DYNC1I1: variants seen among roughly 807,000 people sequenced by gnomAD.
The protein encoded by DYNC1I1 is cytoplasmic dynein 1 intermediate chain 1.
A neutral mutation model predicts 86.6 loss-of-function variants in DYNC1I1; 43 were observed. The ratio of observed to expected loss-of-function variants is 0.50; its 90% CI spans 0.39 to 0.64. The LOEUF (loss-of-function observed/expected upper bound fraction) is 0.64. DYNC1I1 is among the 30% of genes least tolerant of loss of function. DYNC1I1 has a pLI of 0.00. For missense variants in DYNC1I1, 604 were observed against 788.8 expected (o/e 0.77, Z 2.81); for synonymous variants, 262 against 283.7 (o/e 0.92, Z 0.77).
At chr7:95,835,605 C>A (rs1409754955) in intron 5 of DYNC1I1, among the ~76,000 whole-genome samples, 1 of 151,932 alleles carries the variant, frequency 6.6e-6, no homozygotes, top group African/African-American at 2.4e-5. Flanking sequence ...GTGTGGGAGT[C>A]TAAGTCTCTT....
intron 16 of DYNC1I1, among the ~76,000 whole-genome samples, chr7:96,095,594 G>T (rs1790979363): frequency 6.6e-6 from 1 of 152,018 alleles, no homozygotes; most frequent in South Asian, 2.1e-4. Flanking sequence ...TACTTTATAT[G>T]GGAAAAAGTT....
intron 16 of DYNC1I1, among the ~76,000 whole-genome samples, chr7:96,107,032 ACTT>A (rs2116354023): frequency 6.8e-6 from 1 of 147,866 alleles, no homozygotes; most frequent in East Asian, 2.0e-4. Flanking sequence ...TTTCATTCAT[ACTT>A]TTTTTTTTTT....
chr7:95,876,098 T>G (rs1477302326), intron 6 of DYNC1I1, among the ~76,000 whole-genome samples: 2 of 150,984 alleles, frequency 1.3e-5, no homozygotes, highest in Non-Finnish European at 2.9e-5. Flanking sequence ...TAAGATCTAT[T>G]GCATGGTGGT....
chr7:96,065,191 A>G (rs191752638), intron 14 of DYNC1I1, among the ~76,000 whole-genome samples: 217 of 152,076 alleles, frequency 1.4e-3, no homozygotes, highest in Non-Finnish European at 3.0e-3. Context: ...GCTACATTCA[A>G]TGGTTTCTTG....
chr7:96,005,633 C>A (rs566304482), intron 10 of DYNC1I1, among the ~76,000 whole-genome samples: 1 of 152,174 alleles, frequency 6.6e-6, no homozygotes, highest in Non-Finnish European at 1.5e-5. Flanking sequence ...TGGAAAAGAA[C>A]TGCTGTATGG....
chr7:95,885,866 A>G (rs568920302), intron 6 of DYNC1I1, among the ~76,000 whole-genome samples: 1 of 152,328 alleles, frequency 6.6e-6, no homozygotes, highest in African/African-American at 2.4e-5. Flanking sequence ...AAAGAAAGAC[A>G]TTTTTAAAAA....
chr7:95,892,483 T>C lies in DYNC1I1; in HGVS notation c.490+22485T>C, dbSNP rs540194218. On this transcript the variant is annotated intron_variant, in intron 6 of 16. Coordinates refer to ENST00000447467, the MANE Select transcript of DYNC1I1 (RefSeq NM_001135556.2). Reference sequence around the variant, plus strand: ...CTGCCACCACGCCCAGCTAATTTTTTTGTATTTTTAGTAGAGATGGGGTTT... The same window carrying C: ...CTGCCACCACGCCCAGCTAATTTTTCTGTATTTTTAGTAGAGATGGGGTTT... Among the ~76,000 whole-genome samples, 3 of 152,348 alleles carry C rather than the reference T, an allele frequency of 2.0e-5. No individual in the cohort carries two copies. In the South Asian group the frequency reaches 6.2e-4, roughly 32 times the overall value.
chr7:95,814,574 T>G (rs1036467000), intron 4 of DYNC1I1, among the ~76,000 whole-genome samples: 1 of 152,166 alleles, frequency 6.6e-6, no homozygotes, highest in African/African-American at 2.4e-5. Flanking sequence ...CTTCTGAAAG[T>G]GTACTGTTTC....
intron 4 of DYNC1I1, among the ~76,000 whole-genome samples, chr7:95,819,521 A>C (rs1403898674): frequency 6.6e-6 from 1 of 152,156 alleles, no homozygotes; most frequent in East Asian, 1.9e-4. Context: ...TGAAAGCATC[A>C]TCATCTTCTA....
intron 6 of DYNC1I1, among the ~76,000 whole-genome samples, chr7:95,890,747 A>G (rs144978369): frequency 4.3e-4 from 66 of 152,346 alleles, no homozygotes; most frequent in African/African-American, 1.5e-3. Flanking sequence ...CCCCACCCTC[A>G]GAATTTCTGA....
intron 1 of DYNC1I1, among the ~76,000 whole-genome samples, chr7:95,800,982 G>A (rs1794564261): frequency 6.6e-6 from 1 of 152,224 alleles, no homozygotes; most frequent in South Asian, 2.1e-4. Flanking sequence ...TGCTGACACT[G>A]CATTTAATGC....
rs375715304 is a variant in DYNC1I1 at position 96,081,079 on chromosome 7, A to AAAAAAAAAAAAAAAAAAAAAG, written c.1776+595_1776+596insAAAAAAAAAAAAAAAAGAAAA. On this transcript the variant is annotated intron_variant, in intron 16 of 16. Transcript: ENST00000447467. ...AGAGACTCCATCTCAAAAAAAAAAGAAAAAGAAAAGAAAAGAAAAGTTTGC... is the reference window on the plus strand; with the variant it reads ...AGAGACTCCATCTCAAAAAAAAAAGAAAAAAAAAAAAAAAAAAAAAGAAAAGAAAAGAAAAGAAAAGTTTGC... 2.0e-4 allele frequency among the ~76,000 whole-genome samples: 27 copies of AAAAAAAAAAAAAAAAAAAAAG among 133,676 alleles called. 1 individual carries two copies. Among genetic ancestry groups the AAAAAAAAAAAAAAAAAAAAAG allele is most frequent in the African/African-American group, 4.8e-4 (16 of 33,544 alleles). The allele number at this position is 133,676 out of a possible 152,430, so 87.7% of individuals were successfully genotyped here.
intron 14 of DYNC1I1, among the ~76,000 whole-genome samples, chr7:96,054,480 T>C (rs561976772): frequency 2.0e-4 from 30 of 152,366 alleles, no homozygotes; most frequent in African/African-American, 6.7e-4. Flanking sequence ...GAATGATTTA[T>C]AATCCTTTGG....
intron 6 of DYNC1I1, among the ~76,000 whole-genome samples, chr7:95,956,196 AC>A (rs1252448113): frequency 6.6e-6 from 1 of 151,912 alleles, no homozygotes; most frequent in Non-Finnish European, 1.5e-5. Context: ...GCCCACAGAG[AC>A]CAGAGGCTAT....
At chr7:95,966,444 G>T (rs1262526135) in intron 6 of DYNC1I1, among the ~76,000 whole-genome samples, 1 of 152,174 alleles carries the variant, frequency 6.6e-6, no homozygotes, top group Non-Finnish European at 1.5e-5. Context: ...ATAATAGAGG[G>T]CCTGTTATCC....
chr7:96,022,117 C>A (rs1373166813), intron 10 of DYNC1I1, among the ~76,000 whole-genome samples: 1 of 152,132 alleles, frequency 6.6e-6, no homozygotes, highest in Non-Finnish European at 1.5e-5. Flanking sequence ...ATTGTACATT[C>A]CCACAAGCAT....
intron 14 of DYNC1I1, among the ~76,000 whole-genome samples, chr7:96,045,441 G>A (rs1194989612): frequency 2.0e-5 from 3 of 152,092 alleles, no homozygotes; most frequent in Non-Finnish European, 2.9e-5. Flanking sequence ...AAAGGAAACA[G>A]CGATCACAGT....
intron 6 of DYNC1I1, among the ~76,000 whole-genome samples, chr7:95,976,712 A>G (rs1220580490): frequency 6.6e-6 from 1 of 152,168 alleles, no homozygotes; most frequent in Non-Finnish European, 1.5e-5. Context: ...TTTATTTTCT[A>G]TAATTTGGAT....
intron 16 of DYNC1I1, among the ~76,000 whole-genome samples, chr7:96,094,325 T>C (rs1434674559): frequency 1.3e-5 from 2 of 152,208 alleles, no homozygotes; most frequent in African/African-American, 2.4e-5. Flanking sequence ...AGATTTTTCC[T>C]ATTTAATGAT....
Sources: allele counts gnomAD v4.1 joint callset (sites outside exome capture counted in the v4.1 genomes callset), GRCh38; gene constraint gnomAD v4.1.1; transcripts MANE v1.5; gene names NCBI Gene and HGNC (gene_info 2026-07-23, HGNC 2026-07-21).